Variants in QRICH1 observed in about 807,000 individuals in gnomAD.
The protein encoded by QRICH1 is glutamine rich 1.
In QRICH1, 16 loss-of-function variants were observed where a neutral mutation model predicts 87.1. That is an observed-to-expected ratio of 0.18 (90% CI 0.12 to 0.28). QRICH1 has a LOEUF of 0.28. Ranked by LOEUF, QRICH1 falls within the 10% of genes least tolerant of loss-of-function variation. QRICH1 has a pLI of 1.00. For synonymous variants in QRICH1, 367 were observed against 368.4 expected (o/e 1.00, Z 0.05); for missense variants, 647 against 951.7 (o/e 0.68, Z 4.21).
chr3:49,057,497 G>A lies in QRICH1; in HGVS notation c.703C>T (p.Arg235Trp). The change falls in exon 3 of 10, where the codon CGG becomes TGG. Residue 235 changes from arginine to tryptophan, a missense_variant. Transcript: ENST00000395443. The surrounding 1 kb of genome is among the most constrained non-coding windows in gnomAD (Gnocchi z 5.4). The stretch of plus-strand genomic sequence containing the variant: ...TGGAGGACACTGGCCGTGCCAACCC[G>A]CCGCTCCCCTTCCCGGGGTGAGCCC... ...QQGSPREGER[R>W]VGTASVLQPV... is the part of the protein sequence containing the mutation. 3.7e-6 allele frequency: 6 copies of A among 1,613,284 alleles called. No homozygotes were observed. Among genetic ancestry groups the A allele is most frequent in the Non-Finnish European group, 3.4e-6 (4 of 1,179,554 alleles).
chr3:49,058,146 C>CAA, intron 2 of QRICH1: 10 of 486,696 alleles, frequency 2.1e-5, no homozygotes, highest in Admixed American at 4.0e-5. Flanking sequence ...AAGGAAATAC[C>CAA]AAAAAAAAAA....
chr3:49,072,486 G>A (rs11130181), intron 2 of QRICH1, among the ~76,000 whole-genome samples: 113,858 of 150,412 alleles, frequency 0.76, 43,467 homozygotes, highest in East Asian at 1. Flanking sequence ...AGATCATACC[G>A]CTGCACTCCA....
chr3:49,041,707 T>C (rs776072021), intron 6 of QRICH1, among the ~76,000 whole-genome samples: 22 of 151,978 alleles, frequency 1.4e-4, no homozygotes, highest in Non-Finnish European at 2.2e-4. Context: ...CTCAGCTCAC[T>C]GCAACCTCTG....
At chr3:49,076,120 G>A (rs1294694818) in intron 2 of QRICH1, among the ~76,000 whole-genome samples, 1 of 152,104 alleles carries the variant, frequency 6.6e-6, no homozygotes, top group African/African-American at 2.4e-5. Flanking sequence ...GCAGGCACCT[G>A]GAATCCCAGC....
chr3:49,070,525 G>A (rs915248544), intron 2 of QRICH1, among the ~76,000 whole-genome samples: 14 of 151,648 alleles, frequency 9.2e-5, no homozygotes, highest in Admixed American at 7.9e-4. Context: ...CTGCAACTTC[G>A]AACTCCTGGG....
chr3:49,032,467 G>T, intron 8 of QRICH1, 155 bp downstream of exon 8: 1 of 1,045,478 alleles, frequency 9.6e-7, no homozygotes, highest in Non-Finnish European at 1.4e-6. Flanking sequence ...GCTTCTAGGA[G>T]GAAAGTTTGG....
chr3:49,069,442 T>G (rs1309592465), intron 2 of QRICH1, among the ~76,000 whole-genome samples: 1 of 151,840 alleles, frequency 6.6e-6, no homozygotes, highest in African/African-American at 2.4e-5. Context: ...TTTCCTCCAA[T>G]TACACTTATA....
At chr3:49,080,255 G>C (rs945013241) in intron 1 of QRICH1, among the ~76,000 whole-genome samples, 2 of 152,074 alleles carry the variant, frequency 1.3e-5, no homozygotes, top group African/African-American at 4.8e-5. Context: ...TTCCTGAAAT[G>C]TATTTTCTTC....
chr3:49,083,825 A>G (rs1288261798), intron 1 of QRICH1, among the ~76,000 whole-genome samples: 1 of 151,212 alleles, frequency 6.6e-6, no homozygotes, highest in African/African-American at 2.4e-5. Flanking sequence ...GCTACTTGGG[A>G]GGCTGAGGCA....
chr3:49,034,220 A>G lies in QRICH1; in HGVS notation c.1787-992T>C, dbSNP rs557054202. On this transcript the variant is annotated intron_variant, in intron 6 of 9. Transcript: ENST00000395443. ...AACTTTGGGAGGCGGAGGTGGGAGAATTGTTTGAGCCCAAGAGTTGAAGAC... is the reference window on the plus strand; with the variant it reads ...AACTTTGGGAGGCGGAGGTGGGAGAGTTGTTTGAGCCCAAGAGTTGAAGAC... Among the ~76,000 whole-genome samples, 10 of 151,788 alleles carry G rather than the reference A, an allele frequency of 6.6e-5. No individual in the cohort carries two copies. The East Asian group carries it at 1.9e-3, about 29-fold the overall frequency.
At position 49,057,994 on chromosome 3, in the gene QRICH1, T is replaced by C. The variant is rs1258391771; in HGVS notation, c.310-104A>G. 6.3e-7 allele frequency: 1 copy of C among 1,580,696 alleles called. No homozygotes were observed. Among genetic ancestry groups the C allele is most frequent in the South Asian group, 1.1e-5 (1 of 88,302 alleles). On this transcript the variant is annotated intron_variant, in intron 2 of 9. Coordinates refer to ENST00000395443, the MANE Select transcript of QRICH1 (RefSeq NM_198880.3). The surrounding 1 kb of genome is among the most constrained non-coding windows in gnomAD (Gnocchi z 5.4). ...TCCCAGACAGGGGACCTGCAAAATG[T>C]GAGAAAACACTGGCATACTCAAGGC...
intron 6 of QRICH1, among the ~76,000 whole-genome samples, chr3:49,036,701 A>C (rs1266618846): frequency 2.0e-5 from 3 of 152,054 alleles, no homozygotes; most frequent in Non-Finnish European, 4.4e-5. Flanking sequence ...AAAAACAAAA[A>C]AAAAAAACAG....
intron 6 of QRICH1, among the ~76,000 whole-genome samples, chr3:49,040,778 T>C (rs2093305404): frequency 6.6e-6 from 1 of 152,226 alleles, no homozygotes; most frequent in African/African-American, 2.4e-5. Flanking sequence ...ATGTTTACTT[T>C]TGTAAGAAAC....
chr3:49,043,076 T>C (rs956609669), intron 6 of QRICH1, among the ~76,000 whole-genome samples: 11 of 152,180 alleles, frequency 7.2e-5, no homozygotes, highest in African/African-American at 2.7e-4. Context: ...ATAACAAATG[T>C]ACCATACTAA....
chr3:49,087,716 A>T (rs1442553905), intron 1 of QRICH1, among the ~76,000 whole-genome samples: 1 of 148,256 alleles, frequency 6.7e-6, no homozygotes, highest in Non-Finnish European at 1.5e-5. Flanking sequence ...TCTACTAAAA[A>T]TACAAAAATT....
chr3:49,059,515 G>C (rs2093422787), intron 2 of QRICH1, among the ~76,000 whole-genome samples: 1 of 149,834 alleles, frequency 6.7e-6, no homozygotes. Flanking sequence ...CGCCTCCTGG[G>C]TTCAAGCTAT....
intron 6 of QRICH1, among the ~76,000 whole-genome samples, chr3:49,041,420 T>C (rs2093309157): frequency 6.6e-6 from 1 of 152,084 alleles, no homozygotes; most frequent in Non-Finnish European, 1.5e-5. Flanking sequence ...CTTGAACTCC[T>C]GGGCTCAAGC....
intron 3 of QRICH1, among the ~76,000 whole-genome samples, chr3:49,055,525 C>G (rs1306935783): frequency 6.6e-6 from 1 of 152,124 alleles, no homozygotes; most frequent in Non-Finnish European, 1.5e-5. Flanking sequence ...TCACACTAGA[C>G]TATATTTTTT....
chr3:49,077,409 A>G (rs1245027522), intron 1 of QRICH1, among the ~76,000 whole-genome samples: 1 of 152,154 alleles, frequency 6.6e-6, no homozygotes, highest in Non-Finnish European at 1.5e-5. Context: ...CAGAGAGGAC[A>G]CCAAGCAAGG....
Sources: gnomAD v4.1 joint callset for allele counts (sites outside exome capture counted in the v4.1 genomes callset) on GRCh38, gnomAD v4.1.1 for gene constraint, Gnocchi (gnomAD v3.1) non-coding constraint, MANE v1.5 for transcripts, NCBI Gene and HGNC (gene_info 2026-07-23, HGNC 2026-07-21) for gene names.